TMEM163: variants seen among roughly 807,000 people sequenced by gnomAD.
TMEM163 encodes the protein transmembrane protein 163.
Under a neutral mutation model 29.3 loss-of-function variants are expected in TMEM163, and 17 were observed. The ratio of observed to expected loss-of-function variants is 0.58; its 90% confidence interval spans 0.40 to 0.87. The LOEUF (loss-of-function observed/expected upper bound fraction) is 0.87. TMEM163 is among the 40% of genes least tolerant of loss of function. The probability of loss-of-function intolerance (pLI) is 0.00; values close to 1 mark genes in which losing one functional copy is unlikely to be tolerated. For missense variants in TMEM163, 303 were observed against 381.5 expected, an observed-to-expected ratio of 0.79 and a Z score of 1.71; for synonymous variants, 157 against 160.6, an observed-to-expected ratio of 0.98 and a Z score of 0.17.
chr2:134,500,347 G>A (rs1416558386), intron 5 of TMEM163, among the ~76,000 whole-genome samples: 1 of 152,244 alleles, frequency 6.6e-6, no homozygotes, highest in Non-Finnish European at 1.5e-5. Context: ...CCAGGATGGA[G>A]ACAGACACGG....
intron 3 of TMEM163, among the ~76,000 whole-genome samples, 199 bp from the exon 4 acceptor site, chr2:134,550,860 A>T (rs59357769): frequency 5.3e-5 from 8 of 152,060 alleles, no homozygotes; most frequent in African/African-American, 1.9e-4. Flanking sequence ...TGTGCCATGT[A>T]GGGGGCTCTG....
rs80337007 is a variant in TMEM163, at chr2:134,511,256, C to T, written c.459-8259G>A. On this transcript the variant is annotated intron_variant, in intron 4 of 7. Transcript: ENST00000281924. Reference sequence around the variant, plus strand: ...GATGGGAGAGTCAGCTCTGCAGCCACCTGGGGACGAGCACTCCAGGCAGAG... The same window carrying T: ...GATGGGAGAGTCAGCTCTGCAGCCATCTGGGGACGAGCACTCCAGGCAGAG... 6.2e-3 allele frequency among the ~76,000 whole-genome samples: 944 copies of T among 152,084 alleles called. 4 individuals carry two copies. The highest frequency in any genetic ancestry group is 9.9e-3 in the Non-Finnish European group (675 of 68,004).
chr2:134,481,385 G>A (rs1042580474), intron 5 of TMEM163, among the ~76,000 whole-genome samples: 1 of 151,388 alleles, frequency 6.6e-6, no homozygotes, highest in Non-Finnish European at 1.5e-5. Flanking sequence ...CATGGGGGGG[G>A]GGGGAGCTTT....
chr2:134,659,614 C>G (rs1683703765), intron 2 of TMEM163, among the ~76,000 whole-genome samples: 1 of 152,184 alleles, frequency 6.6e-6, no homozygotes, highest in African/African-American at 2.4e-5. Context: ...TCTGCAGATG[C>G]CATGATGAAA....
intron 2 of TMEM163, among the ~76,000 whole-genome samples, chr2:134,556,956 A>G (rs1396155900): frequency 6.6e-6 from 1 of 152,244 alleles, no homozygotes; most frequent in East Asian, 1.9e-4. Context: ...TGGGTCTGGA[A>G]CAGGGGGAGT....
intron 2 of TMEM163, among the ~76,000 whole-genome samples, chr2:134,663,253 G>A (rs1412249373): frequency 1.3e-5 from 2 of 152,214 alleles, no homozygotes; most frequent in Admixed American, 6.5e-5. Flanking sequence ...TTTGCTTAAG[G>A]CAGCTCAGGC....
At chr2:134,546,916 TA>T (rs1285442223) in intron 4 of TMEM163, among the ~76,000 whole-genome samples, 1 of 152,200 alleles carries the variant, frequency 6.6e-6, no homozygotes, top group Admixed American at 6.5e-5. Context: ...GACATTATGC[TA>T]ACTGAAATAA....
chr2:134,556,026 C>T (rs1458410213), intron 2 of TMEM163, among the ~76,000 whole-genome samples: 3 of 152,244 alleles, frequency 2.0e-5, no homozygotes, highest in South Asian at 2.1e-4. Context: ...AATATTGGAA[C>T]GGGGATGTCT....
intron 2 of TMEM163, among the ~76,000 whole-genome samples, chr2:134,584,820 A>C (rs963837803): frequency 2.0e-5 from 3 of 152,190 alleles, no homozygotes; most frequent in Admixed American, 2.0e-4. Context: ...TAAGCTTAGC[A>C]TGTAAACTTA....
intron 2 of TMEM163, among the ~76,000 whole-genome samples, chr2:134,595,939 C>G (rs1333263109): frequency 6.6e-6 from 1 of 152,192 alleles, no homozygotes; most frequent in Non-Finnish European, 1.5e-5. Flanking sequence ...AGTTCATATT[C>G]TTCACCCACT....
intron 2 of TMEM163, among the ~76,000 whole-genome samples, chr2:134,700,132 A>AT (rs1358794643): frequency 6.6e-6 from 1 of 151,952 alleles, no homozygotes; most frequent in Non-Finnish European, 1.5e-5. Context: ...TTGTTTCTAC[A>AT]TTTTATTTTG....
At chr2:134,712,167 G>A (rs572167250) in intron 2 of TMEM163, among the ~76,000 whole-genome samples, 1 of 152,340 alleles carries the variant, frequency 6.6e-6, no homozygotes, top group African/African-American at 2.4e-5. Flanking sequence ...ATGTGGTATA[G>A]TGTTTCCAAT....
intron 2 of TMEM163, among the ~76,000 whole-genome samples, chr2:134,605,139 T>G (rs930222172): frequency 6.7e-6 from 1 of 150,026 alleles, no homozygotes; most frequent in Admixed American, 6.7e-5. Flanking sequence ...ATCGCACCAC[T>G]GCACTCCAGC....
intron 4 of TMEM163, among the ~76,000 whole-genome samples, chr2:134,505,815 G>A (rs1186514352): frequency 6.6e-6 from 1 of 152,186 alleles, no homozygotes; most frequent in Non-Finnish European, 1.5e-5. Context: ...GAGTGTGAAG[G>A]ATGCAAGGGC....
chr2:134,535,911 C>G (rs1026974691), intron 4 of TMEM163, among the ~76,000 whole-genome samples: 7 of 151,984 alleles, frequency 4.6e-5, no homozygotes, highest in Non-Finnish European at 1.5e-5. Context: ...TTAGTAGAGA[C>G]AGGGTTTCGC....
At chr2:134,459,595 G>A (rs566587805) in intron 6 of TMEM163, among the ~76,000 whole-genome samples, 1 of 143,182 alleles carries the variant, frequency 7.0e-6, no homozygotes, top group South Asian at 2.3e-4. Context: ...ACCCGCAGAA[G>A]AGTCTGCCTG....
At chr2:134,650,004 TAAAAAAAAAAAA>T (rs1319130397) in intron 2 of TMEM163, among the ~76,000 whole-genome samples, 1 of 97,572 alleles carries the variant, frequency 1.0e-5, no homozygotes, top group Non-Finnish European at 1.9e-5. Context: ...GACCCTGTCT[TAAAAAAAAAAAA>T]AAAAAAAAAG....
intron 2 of TMEM163, among the ~76,000 whole-genome samples, chr2:134,554,281 C>T (rs1489390543): frequency 6.6e-6 from 1 of 151,888 alleles, no homozygotes; most frequent in Non-Finnish European, 1.5e-5. Flanking sequence ...AAAGAATAAG[C>T]CGGGCGTGGT....
intron 5 of TMEM163, among the ~76,000 whole-genome samples, chr2:134,483,604 G>A (rs1172437672): frequency 6.6e-6 from 1 of 152,090 alleles, no homozygotes; most frequent in Non-Finnish European, 1.5e-5. Flanking sequence ...CAAGACCCCT[G>A]CGAGGTGGAA....
Sources: gnomAD v4.1 joint callset for allele counts (sites outside exome capture counted in the v4.1 genomes callset) on GRCh38, gnomAD v4.1.1 for gene constraint, MANE v1.5 for transcripts, NCBI Gene and HGNC (gene_info 2026-07-23, HGNC 2026-07-21) for gene names.